Variants in PREX1 observed in about 807,000 individuals in gnomAD.
PREX1 encodes phosphatidylinositol-3,4,5-trisphosphate dependent Rac exchange factor 1.
In PREX1, 41 loss-of-function variants were observed where a neutral mutation model predicts 198.3. The observed-to-expected ratio is 0.21, with a 90% confidence interval of 0.16 to 0.27. PREX1 has a LOEUF of 0.27. Ranked by LOEUF, PREX1 falls within the 10% of genes least tolerant of loss-of-function variation. PREX1 has a pLI of 1.00. For missense variants in PREX1, 1,620 were observed against 2,200.7 expected (o/e 0.74, Z 5.28); for synonymous variants, 843 against 887.2 (o/e 0.95, Z 0.89).
chr20:48,653,873 G>T (rs911975749), intron 19 of PREX1, among the ~76,000 whole-genome samples: 15 of 152,230 alleles, frequency 9.9e-5, no homozygotes, highest in African/African-American at 3.4e-4. Context: ...TCTCTAGGCC[G>T]AATGGCCAGA....
At chr20:48,848,262 T>C in the PREX1 span, among the ~76,000 whole-genome samples, 2 of 151,330 alleles carry the variant, frequency 1.3e-5, no homozygotes, top group South Asian at 4.2e-4. Flanking sequence ...TTTTTTTTTT[T>C]GTTTCTTTTT....
chr20:48,664,644 G>A (rs1185340942), intron 15 of PREX1, among the ~76,000 whole-genome samples: 1 of 152,234 alleles, frequency 6.6e-6, no homozygotes, highest in Non-Finnish European at 1.5e-5. Flanking sequence ...GAAACTCAGG[G>A]ATCCCCCAGG....
At chr20:48,870,703 T>C in the PREX1 span, among the ~76,000 whole-genome samples, 139 of 152,018 alleles carry the variant, frequency 9.1e-4, no homozygotes, top group Non-Finnish European at 1.6e-3. Flanking sequence ...ATCCCAGCAC[T>C]TTGGGAGGCC....
chr20:48,650,953 G>C lies in PREX1; in HGVS notation c.2758C>G (p.Arg920Gly). Reference protein sequence around the residue: ...AIVTMPHFEFRNICDTKLESI... With the variant: ...AIVTMPHFEFGNICDTKLESI... ...TCCAGCTTGGTGTCACAGATGTTGC[G>C]GAACTCAAAGTGGGGCATGGTCACG... Residue 920 changes from arginine to glycine, a missense_variant, in exon 23 of 40, where the codon CGC (arginine) becomes GGC (glycine). Physicochemically the swap from Arg to Gly is moderately radical, Grantham distance 125 (BLOSUM62 -2). Transcript: ENST00000371941. The C allele has an allele frequency of 6.2e-7, 1 of 1,614,190 alleles. No homozygotes were observed. The highest frequency in any genetic ancestry group is 8.5e-7 in the Non-Finnish European group (1 of 1,180,038).
rs576397472 is a variant in PREX1, at chr20:48,722,625, G to A, written c.621+3665C>T. Among the ~76,000 whole-genome samples, 4 of 152,286 alleles carry A rather than the reference G, an allele frequency of 2.6e-5. No homozygotes were observed. In the East Asian group the frequency reaches 5.8e-4, roughly 22 times the overall value. On this transcript the variant is annotated intron_variant, in intron 5 of 39. Transcript: ENST00000371941. ...AGCAAGTCTAGATGGGTAAACAAACGGCCAGAGGACTAAGCCCAGGGCCCA... is the reference window on the plus strand; with the variant it reads ...AGCAAGTCTAGATGGGTAAACAAACAGCCAGAGGACTAAGCCCAGGGCCCA...
chr20:48,812,955 G>C (rs1241533080), intron 1 of PREX1, among the ~76,000 whole-genome samples: 1 of 152,254 alleles, frequency 6.6e-6, no homozygotes. Flanking sequence ...CAGCTATTTG[G>C]AAGGGTGAGA....
chr20:48,650,844 T>C (rs2089489663), intron 23 of PREX1, 50 bp downstream of exon 23: 1 of 1,592,336 alleles, frequency 6.3e-7, no homozygotes, highest in South Asian at 1.1e-5. Flanking sequence ...CAGGCTGAGA[T>C]GCTATGTCTG....
At chr20:48,680,350 A>G (rs1019719556) in intron 11 of PREX1, among the ~76,000 whole-genome samples, 3 of 152,086 alleles carry the variant, frequency 2.0e-5, no homozygotes, top group African/African-American at 7.2e-5. Flanking sequence ...CTTGGTCCCA[A>G]CAGTCTCCAC....
At chr20:48,760,904 C>T (rs1230932756) in intron 1 of PREX1, among the ~76,000 whole-genome samples, 1 of 152,190 alleles carries the variant, frequency 6.6e-6, no homozygotes, top group Admixed American at 6.5e-5. Context: ...GAGCCAATGA[C>T]ACATCAGTGA....
At chr20:48,826,638 T>G (rs1428764133) in intron 1 of PREX1, among the ~76,000 whole-genome samples, 3 of 152,188 alleles carry the variant, frequency 2.0e-5, no homozygotes, top group Admixed American at 6.5e-5. Flanking sequence ...GCGGATCACT[T>G]GAGGCCAGGA....
intron 3 of PREX1, among the ~76,000 whole-genome samples, chr20:48,743,887 G>A (rs1230502329): frequency 6.6e-6 from 1 of 152,104 alleles, no homozygotes; most frequent in African/African-American, 2.4e-5. Flanking sequence ...ACGCCTGATC[G>A]CACATGAGAC....
intron 5 of PREX1, among the ~76,000 whole-genome samples, chr20:48,723,640 C>T (rs551508001): frequency 6.6e-6 from 1 of 152,332 alleles, no homozygotes; most frequent in African/African-American, 2.4e-5. Context: ...AAACAGCCGT[C>T]TGGCCAGGAG....
At chr20:48,704,719 C>T (rs957678084) in intron 6 of PREX1, among the ~76,000 whole-genome samples, 1 of 152,206 alleles carries the variant, frequency 6.6e-6, no homozygotes, top group African/African-American at 2.4e-5. Context: ...CCACACCTGG[C>T]TAATTTTTGT....
At chr20:48,721,175 G>GGGTAT (rs1480790708) in intron 5 of PREX1, among the ~76,000 whole-genome samples, 1 of 152,192 alleles carries the variant, frequency 6.6e-6, no homozygotes, top group African/African-American at 2.4e-5. Context: ...AAGTGACCAG[G>GGGTAT]GGTATCTACC....
the PREX1 span, among the ~76,000 whole-genome samples, chr20:48,840,790 G>A: frequency 5.9e-5 from 9 of 152,176 alleles, no homozygotes; most frequent in African/African-American, 1.9e-4. Flanking sequence ...ATTAGAGCGA[G>A]TTCTGTTGCT....
At chr20:48,845,538 C>A in the PREX1 span, among the ~76,000 whole-genome samples, 1 of 151,846 alleles carries the variant, frequency 6.6e-6, no homozygotes. Context: ...AGTGTCTCTA[C>A]AACATACAAA....
chr20:48,728,540 G>C (rs528939855), intron 4 of PREX1, among the ~76,000 whole-genome samples: 1 of 152,340 alleles, frequency 6.6e-6, no homozygotes, highest in Non-Finnish European at 1.5e-5. Flanking sequence ...TGGCACAGAT[G>C]GGGGATTGAG....
the PREX1 span, among the ~76,000 whole-genome samples, chr20:48,860,254 C>T: frequency 1.1e-4 from 17 of 152,174 alleles, no homozygotes; most frequent in Non-Finnish European, 2.1e-4. Context: ...GGATATTATG[C>T]TAATGAAACA....
chr20:48,789,949 GA>G (rs1183037678), intron 1 of PREX1, among the ~76,000 whole-genome samples: 1 of 152,112 alleles, frequency 6.6e-6, no homozygotes, highest in Non-Finnish European at 1.5e-5. Context: ...GGGGAGGAAA[GA>G]AGGAGAAAAA....
Sources: gnomAD v4.1 joint callset for allele counts (sites outside exome capture counted in the v4.1 genomes callset) on GRCh38, gnomAD v4.1.1 for gene constraint, MANE v1.5 for transcripts, NCBI Gene and HGNC (gene_info 2026-07-23, HGNC 2026-07-21) for gene names.